ARHGAP26: variants seen among roughly 807,000 people sequenced by gnomAD.
The protein encoded by ARHGAP26 is rho GTPase-activating protein 26.
A neutral mutation model predicts 104.8 loss-of-function variants in ARHGAP26; 38 were observed. That is an observed-to-expected ratio of 0.36 (90% confidence interval 0.28 to 0.48). ARHGAP26 has a LOEUF of 0.48. Ranked by LOEUF, ARHGAP26 falls within the 20% of genes least tolerant of loss-of-function variation. The probability of loss-of-function intolerance (pLI) is 0.99; values close to 1 mark genes in which losing one functional copy is unlikely to be tolerated. For missense variants in ARHGAP26, 704 were observed against 947.9 expected (o/e 0.74, Z 3.38); for synonymous variants, 341 against 340.0 (o/e 1.00, Z -0.03).
chr5:143,051,918 T>G (rs1449155925), intron 14 of ARHGAP26, among the ~76,000 whole-genome samples: 1 of 152,204 alleles, frequency 6.6e-6, no homozygotes, highest in Non-Finnish European at 1.5e-5. Flanking sequence ...CAGTAACATT[T>G]GTCTCACATC....
intron 17 of ARHGAP26, among the ~76,000 whole-genome samples, chr5:143,103,912 C>T (rs564777189): frequency 2.0e-5 from 3 of 151,736 alleles, no homozygotes; most frequent in African/African-American, 7.3e-5. Context: ...ACATTCTGCA[C>T]GTGTATCCCA....
intron 1 of ARHGAP26, among the ~76,000 whole-genome samples, chr5:142,853,701 G>T (rs537232526): frequency 1.3e-5 from 2 of 152,322 alleles, no homozygotes; most frequent in Non-Finnish European, 2.9e-5. Flanking sequence ...TGTCTATCAT[G>T]ATGTTGAAAA....
intron 12 of ARHGAP26, among the ~76,000 whole-genome samples, chr5:143,034,528 G>A (rs1184894980): frequency 6.6e-6 from 1 of 152,186 alleles, no homozygotes; most frequent in Non-Finnish European, 1.5e-5. Context: ...CCATTTATGT[G>A]AGGTGTTCAC....
chr5:142,843,293 C>T (rs1489314457), intron 1 of ARHGAP26, among the ~76,000 whole-genome samples: 4 of 152,184 alleles, frequency 2.6e-5, no homozygotes, highest in Non-Finnish European at 5.9e-5. Context: ...AGTGTGATCA[C>T]TCCTGGGAGC....
chr5:143,144,908 C>T (rs2150968910), intron 19 of ARHGAP26, among the ~76,000 whole-genome samples: 1 of 152,342 alleles, frequency 6.6e-6, no homozygotes, highest in Non-Finnish European at 1.5e-5. Context: ...TTCTCAGTCT[C>T]ATTATGTGTT....
At chr5:143,044,454 C>CTGG (rs1158219711) in intron 14 of ARHGAP26, among the ~76,000 whole-genome samples, 1 of 152,126 alleles carries the variant, frequency 6.6e-6, no homozygotes, top group African/African-American at 2.4e-5. Context: ...TGGCAGAAGG[C>CTGG]TCCAGCGAGG....
intron 2 of ARHGAP26, among the ~76,000 whole-genome samples, chr5:142,874,015 C>T (rs1156495530): frequency 1.3e-5 from 2 of 152,208 alleles, no homozygotes; most frequent in East Asian, 1.9e-4. Context: ...CTGGCTCCCT[C>T]TTCTGACCTG....
intron 20 of ARHGAP26, among the ~76,000 whole-genome samples, chr5:143,174,222 G>T (rs577090911): frequency 6.6e-6 from 1 of 152,314 alleles, no homozygotes; most frequent in African/African-American, 2.4e-5. Flanking sequence ...GGATCCGGTT[G>T]GGTATGTTGT....
At chr5:143,155,870 A>G (rs979262065) in intron 20 of ARHGAP26, among the ~76,000 whole-genome samples, 3 of 152,250 alleles carry the variant, frequency 2.0e-5, no homozygotes, top group Non-Finnish European at 4.4e-5. Context: ...CATACACAGT[A>G]CATGCTTAAA....
intron 11 of ARHGAP26, chr5:142,947,243 C>T (rs1767290290): frequency 1.3e-5 from 2 of 152,116 alleles, no homozygotes; most frequent in Non-Finnish European, 1.5e-5. Flanking sequence ...AGAGCTTTAT[C>T]TCAGCCAAAC....
At chr5:142,812,401 A>G (rs560730363) in intron 1 of ARHGAP26, among the ~76,000 whole-genome samples, 1 of 151,804 alleles carries the variant, frequency 6.6e-6, no homozygotes, top group East Asian at 1.9e-4. Context: ...TAGTGGCGTA[A>G]TCTTGGCTCA....
At chr5:142,773,025 C>T (rs1045407449) in intron 1 of ARHGAP26, among the ~76,000 whole-genome samples, 2 of 151,920 alleles carry the variant, frequency 1.3e-5, no homozygotes, top group Non-Finnish European at 2.9e-5. Context: ...TCTGTTCTCT[C>T]TACGTCCAGC....
In ARHGAP26 at chr5:142,809,744, G is replaced by GTCCA. The variant is rs984338578; in HGVS notation, c.154+38846_154+38849dup. ...GAGCCATCCACTCCTTCATTCATCTGTCCATCCATCCATCCATCCAATCAC... is the reference window on the plus strand; with the variant it reads ...GAGCCATCCACTCCTTCATTCATCTGTCCATCCATCCATCCATCCATCCAATCAC... On this transcript the variant is annotated intron_variant, in intron 1 of 22. Transcript: ENST00000645722. Among the ~76,000 whole-genome samples the GTCCA allele has an allele frequency of 4.6e-5, 7 of 152,196 alleles. No homozygotes were observed. In the South Asian group the frequency reaches 8.3e-4, roughly 18 times the overall value.
At chr5:142,807,931 T>C (rs888183531) in intron 1 of ARHGAP26, among the ~76,000 whole-genome samples, 2 of 152,178 alleles carry the variant, frequency 1.3e-5, no homozygotes, top group Admixed American at 6.5e-5. Flanking sequence ...ATTTCTCTTT[T>C]ATTTTTAAGA....
chr5:143,103,173 A>G (rs890736937), intron 17 of ARHGAP26: 1 of 940,874 alleles, frequency 1.1e-6, no homozygotes, highest in African/African-American at 1.8e-5. Context: ...TGTTCTTTTG[A>G]TTTGCTTTGC....
chr5:142,832,740 C>G (rs562043008), intron 1 of ARHGAP26, among the ~76,000 whole-genome samples: 1 of 152,194 alleles, frequency 6.6e-6, no homozygotes, highest in African/African-American at 2.4e-5. Flanking sequence ...TTACAAAGAT[C>G]ATGAAGAGCT....
intron 1 of ARHGAP26, among the ~76,000 whole-genome samples, chr5:142,797,086 A>G (rs1184029938): frequency 6.6e-6 from 1 of 152,262 alleles, no homozygotes; most frequent in East Asian, 1.9e-4. Flanking sequence ...TTCAGTGGAC[A>G]CTGGGAAGTC....
intron 20 of ARHGAP26, among the ~76,000 whole-genome samples, chr5:143,167,622 A>C (rs1326492703): frequency 6.6e-6 from 1 of 151,958 alleles, no homozygotes; most frequent in Non-Finnish European, 1.5e-5. Context: ...ACAATTCCTT[A>C]AGACCTAGAG....
rs139437409 is a variant in ARHGAP26, at chr5:142,957,832, TTC to T, written c.1107+25713_1107+25714del. Among the ~76,000 whole-genome samples the T allele has an allele frequency of 1.8e-3, 267 of 152,378 alleles. 1 individual carries two copies. The highest frequency in any genetic ancestry group is 6.0e-3 in the African/African-American group (251 of 41,586). On this transcript the variant is annotated intron_variant, in intron 11 of 22. Coordinates refer to ENST00000645722, the MANE Select transcript of ARHGAP26 (RefSeq NM_001135608.3). Reference sequence around the variant, plus strand: ...ACACTGCAAACAGCGCTCTCTCTTTTTCTCTCTTACCCCTTCCAGTTCTTCCC... The same window carrying T: ...ACACTGCAAACAGCGCTCTCTCTTTTTCTCTTACCCCTTCCAGTTCTTCCC...
Sources: allele counts gnomAD v4.1 joint callset (sites outside exome capture counted in the v4.1 genomes callset), GRCh38; gene constraint gnomAD v4.1.1; transcripts MANE v1.5; gene names NCBI Gene and HGNC (gene_info 2026-07-23, HGNC 2026-07-21).